The following UBE2E1 variants were observed in gnomAD, a reference collection of about 807,000 sequenced individuals.
The protein encoded by UBE2E1 is ubiquitin conjugating enzyme E2 E1.
Under a neutral mutation model 21.4 loss-of-function variants are expected in UBE2E1, and 6 were observed. The observed-to-expected ratio is 0.28, with a 90% CI of 0.15 to 0.55. The LOEUF is 0.55. UBE2E1 is among the 20% of genes least tolerant of loss of function. The probability of loss-of-function intolerance (pLI) is 0.93; values close to 1 mark genes in which losing one functional copy is unlikely to be tolerated. For missense variants in UBE2E1, 142 were observed against 236.5 expected, an observed-to-expected ratio of 0.60 and a Z score of 2.62; for synonymous variants, 87 against 82.7, an observed-to-expected ratio of 1.05 and a Z score of -0.28.
chr3:23,811,098 T>G (rs1159673185), intron 2 of UBE2E1: 1 of 256,466 alleles, frequency 3.9e-6, no homozygotes, highest in Non-Finnish European at 7.5e-6. Context: ...CCGATGGCTG[T>G]GATCTCTCCG....
chr3:23,838,414 C>T (rs185902063), intron 3 of UBE2E1, among the ~76,000 whole-genome samples: 46 of 152,286 alleles, frequency 3.0e-4, no homozygotes, highest in African/African-American at 1.0e-3. Flanking sequence ...CTTGTTTTTC[C>T]AATCTGACAA....
intron 3 of UBE2E1, among the ~76,000 whole-genome samples, chr3:23,820,672 C>T (rs1011048751): frequency 1.3e-5 from 2 of 152,196 alleles, no homozygotes; most frequent in South Asian, 4.1e-4. Context: ...TCTTATATAG[C>T]ATTCAAAGGC....
At chr3:23,882,286 ATC>A (rs1701062850) in intron 3 of UBE2E1, among the ~76,000 whole-genome samples, 1 of 152,194 alleles carries the variant, frequency 6.6e-6, no homozygotes, top group Non-Finnish European at 1.5e-5. Context: ...TGCGTTTACA[ATC>A]TCTGAGCTAG....
At chr3:23,840,319 C>G (rs763683926) in intron 3 of UBE2E1, among the ~76,000 whole-genome samples, 33 of 152,198 alleles carry the variant, frequency 2.2e-4, no homozygotes, top group Admixed American at 1.2e-3. Flanking sequence ...TTTCAAGCCC[C>G]TGCACATGCG....
At chr3:23,858,420 A>G (rs1250900584) in intron 3 of UBE2E1, among the ~76,000 whole-genome samples, 1 of 152,122 alleles carries the variant, frequency 6.6e-6, no homozygotes, top group African/African-American at 2.4e-5. Context: ...CCTGGGTTCA[A>G]GCAATTCTCC....
chr3:23,827,301 A>C (rs544025168), intron 3 of UBE2E1, among the ~76,000 whole-genome samples: 40 of 152,384 alleles, frequency 2.6e-4, no homozygotes, highest in African/African-American at 9.4e-4. Flanking sequence ...CATTCACTTT[A>C]TACAGAATAA....
intron 3 of UBE2E1, among the ~76,000 whole-genome samples, chr3:23,825,219 C>G (rs1699729994): frequency 1.3e-5 from 2 of 152,166 alleles, no homozygotes; most frequent in African/African-American, 4.8e-5. Context: ...GCAGGGCAGT[C>G]TCCAACCTGC....
chr3:23,822,340 A>G (rs1304845998), intron 3 of UBE2E1, among the ~76,000 whole-genome samples: 1 of 152,226 alleles, frequency 6.6e-6, no homozygotes, highest in Non-Finnish European at 1.5e-5. Context: ...GTATTTATCC[A>G]GAAAAGTGAT....
At chr3:23,849,400 T>C (rs1053117986) in intron 3 of UBE2E1, among the ~76,000 whole-genome samples, 1 of 152,230 alleles carries the variant, frequency 6.6e-6, no homozygotes, top group Admixed American at 6.5e-5. Context: ...GCAGGTTTGT[T>C]ACATAGGTAT....
At chr3:23,889,393 G>C (rs766100476) in intron 5 of UBE2E1, 134 bp downstream of exon 5, 4 of 1,510,684 alleles carry the variant, frequency 2.6e-6, no homozygotes, top group Non-Finnish European at 3.5e-6. Context: ...CTTTTCAAAA[G>C]AAAGTTTTAA....
chr3:23,878,524 G>A (rs1303289617), intron 3 of UBE2E1, among the ~76,000 whole-genome samples: 1 of 152,222 alleles, frequency 6.6e-6, no homozygotes, highest in African/African-American at 2.4e-5. Flanking sequence ...GCAGTGGGTG[G>A]GCAGGCCGGC....
intron 3 of UBE2E1, among the ~76,000 whole-genome samples, chr3:23,859,351 A>C (rs1700504009): frequency 6.6e-6 from 1 of 152,146 alleles, no homozygotes. Context: ...TGAGGCATGG[A>C]AATTTTCCTC....
chr3:23,887,591 C>A lies in UBE2E1; in HGVS notation c.228C>A (p.Ile76=). 6.2e-7 allele frequency: 1 copy of A among 1,612,778 alleles called. No individual in the cohort carries two copies. The highest frequency in any genetic ancestry group is 8.5e-7 in the Non-Finnish European group (1 of 1,179,712). The change falls in exon 4 of 6, where the codon ATC becomes ATA. Residue 76 remains isoleucine, a synonymous_variant. Coordinates refer to ENST00000306627, the MANE Select transcript of UBE2E1 (RefSeq NM_003341.5). This position sits in a 1 kb window ranked among gnomAD's most constrained non-coding sequence, Gnocchi z 4.4. ...NCSAGPKGDN[I]YEWRSTILGP... ...GTGCTGGTCCCAAAGGCGATAACATCTATGAATGGAGATCAACCATTCTAG... is the reference window on the plus strand; with the variant it reads ...GTGCTGGTCCCAAAGGCGATAACATATATGAATGGAGATCAACCATTCTAG...
At chr3:23,831,904 C>A (rs1388748205) in intron 3 of UBE2E1, among the ~76,000 whole-genome samples, 2 of 152,094 alleles carry the variant, frequency 1.3e-5, no homozygotes, top group African/African-American at 2.4e-5. Context: ...CCATGTTGGC[C>A]AGACTGGTCT....
rs1288191112 is a variant in UBE2E1 at position 23,816,576 on chromosome 3, G to A, written c.203+5066G>A. ...AAAAAAATTAGCCGGGCATGGTGGC[G>A]GGCACCTGTAGTCCCAGCTACTCAG... On this transcript the variant is annotated intron_variant, in intron 3 of 5. Coordinates refer to ENST00000306627, the MANE Select transcript of UBE2E1 (RefSeq NM_003341.5). The surrounding 1 kb of genome is among the most constrained non-coding windows in gnomAD (Gnocchi z 4.8). Among the ~76,000 whole-genome samples the A allele has an allele frequency of 2.6e-5, 4 of 152,036 alleles. No individual in the cohort carries two copies. The highest frequency in any genetic ancestry group is 3.9e-4 in the East Asian group (2 of 5,174).
chr3:23,860,203 G>C (rs936378137), intron 3 of UBE2E1, among the ~76,000 whole-genome samples: 2 of 152,188 alleles, frequency 1.3e-5, no homozygotes, highest in Non-Finnish European at 2.9e-5. Flanking sequence ...ACCTTGGCTA[G>C]ATGAAGATGA....
intron 3 of UBE2E1, among the ~76,000 whole-genome samples, chr3:23,845,581 C>CTGTGTGTGTGTGTGTGTG (rs1343231599): frequency 2.1e-5 from 1 of 48,498 alleles, no homozygotes; most frequent in Non-Finnish European, 5.0e-5. Context: ...CTCTCTCTCT[C>CTGTGTGTGTGTGTGTGTG]TCTCTCTCTG....
At chr3:23,827,943 A>G (rs905733286) in intron 3 of UBE2E1, among the ~76,000 whole-genome samples, 7 of 152,060 alleles carry the variant, frequency 4.6e-5, no homozygotes, top group Non-Finnish European at 1.0e-4. Context: ...TGTTTTCAGT[A>G]TGCCCCCTAG....
chr3:23,874,670 G>T (rs996744739), intron 3 of UBE2E1, among the ~76,000 whole-genome samples: 4 of 152,136 alleles, frequency 2.6e-5, no homozygotes, highest in African/African-American at 9.7e-5. Flanking sequence ...GGGCGAAAGG[G>T]CAGATTAGAA....
Sources: allele counts gnomAD v4.1 joint callset (sites outside exome capture counted in the v4.1 genomes callset), GRCh38; gene constraint gnomAD v4.1.1; non-coding constraint Gnocchi (gnomAD v3.1); transcripts MANE v1.5; gene names NCBI Gene and HGNC (gene_info 2026-07-23, HGNC 2026-07-21).